RBFOX1: variants seen among roughly 807,000 people sequenced by gnomAD.
RBFOX1 encodes the protein RNA binding fox-1 homolog 1.
RBFOX1 carries 8 observed loss-of-function variants against 57.7 expected under a neutral mutation model. That is an observed-to-expected ratio of 0.14 (90% confidence interval 0.08 to 0.25). The LOEUF is 0.25. Among genes scored for constraint, RBFOX1 ranks in the 10% least tolerant of loss-of-function variants. The probability of loss-of-function intolerance (pLI) is 1.00; values close to 1 mark genes in which losing one functional copy is unlikely to be tolerated. For missense variants in RBFOX1, 611 were observed against 548.5 expected (o/e 1.11, Z -1.14); for synonymous variants, 326 against 222.4 (o/e 1.47, Z -4.15).
chr16:5,383,615 A>C (rs191053008), intron 1 of RBFOX1, among the ~76,000 whole-genome samples: 3 of 152,368 alleles, frequency 2.0e-5, no homozygotes, highest in Admixed American at 1.3e-4. Flanking sequence ...CCCTAGGATC[A>C]ACTGAGCAGG....
intron 2 of RBFOX1, among the ~76,000 whole-genome samples, chr16:6,385,397 T>A (rs1176403679): frequency 6.6e-6 from 1 of 152,242 alleles, no homozygotes; most frequent in Non-Finnish European, 1.5e-5. Flanking sequence ...TCTCCCTCTT[T>A]TGCCCAGGCT....
Position 5,856,581 on chromosome 16 carries a change from A to G in RBFOX1, c.319-10722A>G, listed in dbSNP as rs894436512. Among the ~76,000 whole-genome samples the G allele has an allele frequency of 4.1e-3, 270 of 66,234 alleles. 19 individuals are homozygous for G. Among genetic ancestry groups the G allele is most frequent in the African/African-American group, 0.011 (233 of 20,730 alleles). The allele number at this position is 66,234 out of a possible 152,430, so 43.5% of individuals were successfully genotyped here. A position where few individuals can be genotyped will look rare whatever the true frequency, so the allele number is the denominator to read the frequency against. ...TGTGTGTATGTGTGTGTGTGTATAT[A>G]TATATATATATATATATATATATAA... On this transcript the variant is annotated intron_variant, in intron 3 of 19. Coordinates refer to the RBFOX1 transcript ENST00000641259.
At chr16:7,292,932 G>A (rs1281349587) in intron 4 of RBFOX1, among the ~76,000 whole-genome samples, 1 of 152,072 alleles carries the variant, frequency 6.6e-6, no homozygotes, top group Non-Finnish European at 1.5e-5. Context: ...TTAAGGAGCA[G>A]GAAACAGAGG....
At chr16:6,770,512 G>A (rs1006280659) in intron 3 of RBFOX1, among the ~76,000 whole-genome samples, 6 of 152,178 alleles carry the variant, frequency 3.9e-5, no homozygotes, top group Non-Finnish European at 7.4e-5. Context: ...AGCCCTGCAA[G>A]TCGAAAATAT....
intron 2 of RBFOX1, among the ~76,000 whole-genome samples, chr16:6,457,260 C>G (rs180890923): frequency 2.6e-5 from 4 of 152,184 alleles, no homozygotes; most frequent in Admixed American, 2.6e-4. Flanking sequence ...GTTATGGAAG[C>G]AAAAGGAAAA....
At chr16:6,009,816 C>CTGTGTGTGTCTGTGTGTGTG (rs1555469439) in intron 4 of RBFOX1, among the ~76,000 whole-genome samples, 1 of 148,418 alleles carries the variant, frequency 6.7e-6, no homozygotes, top group African/African-American at 2.5e-5. Flanking sequence ...GTGTGTGTGT[C>CTGTGTGTGTCTGTGTGTGTG]TGTGTGTGTG....
At chr16:5,478,049 C>T (rs936270176) in intron 2 of RBFOX1, among the ~76,000 whole-genome samples, 5 of 152,130 alleles carry the variant, frequency 3.3e-5, no homozygotes, top group African/African-American at 9.7e-5. Context: ...GGGATCCACA[C>T]ACCATGGAGC....
intron 3 of RBFOX1, among the ~76,000 whole-genome samples, chr16:6,915,225 C>T (rs773403980): frequency 6.6e-6 from 1 of 152,154 alleles, no homozygotes; most frequent in African/African-American, 2.4e-5. Context: ...CTCCTAGCAG[C>T]TGGATGAAGC....
chr16:5,418,784 A>T (rs917780999), intron 1 of RBFOX1, among the ~76,000 whole-genome samples: 3 of 151,774 alleles, frequency 2.0e-5, no homozygotes, highest in Non-Finnish European at 4.4e-5. Flanking sequence ...TGCACGATTT[A>T]TGGAGAACCT....
At chr16:6,262,289 C>T (rs1042391393) in intron 1 of RBFOX1, among the ~76,000 whole-genome samples, 2 of 152,240 alleles carry the variant, frequency 1.3e-5, no homozygotes, top group Middle Eastern at 3.4e-3. Context: ...TTCCTGGAAG[C>T]TGCATGTACC....
intron 4 of RBFOX1, among the ~76,000 whole-genome samples, chr16:7,423,591 T>A (rs1222279698): frequency 1.3e-5 from 2 of 152,006 alleles, no homozygotes; most frequent in Non-Finnish European, 2.9e-5. Flanking sequence ...GAAAGGAGAG[T>A]TTCATACTGA....
intron 1 of RBFOX1, among the ~76,000 whole-genome samples, chr16:5,440,268 A>C (rs2068044686): frequency 6.6e-6 from 1 of 152,238 alleles, no homozygotes; most frequent in South Asian, 2.1e-4. Flanking sequence ...TTCCAGGTAC[A>C]AAATCTCCTT....
intron 4 of RBFOX1, among the ~76,000 whole-genome samples, chr16:7,222,025 C>G (rs890431659): frequency 6.6e-6 from 1 of 152,178 alleles, no homozygotes; most frequent in Non-Finnish European, 1.5e-5. Context: ...GCCAGCCTGT[C>G]AGTCACTTAA....
At chr16:6,447,280 G>A (rs1006722140) in intron 2 of RBFOX1, among the ~76,000 whole-genome samples, 2 of 152,228 alleles carry the variant, frequency 1.3e-5, no homozygotes, top group South Asian at 2.1e-4. Flanking sequence ...TGTGGCCATC[G>A]GTGAAAGGGA....
chr16:6,805,211 A>G (rs9931538), intron 3 of RBFOX1, among the ~76,000 whole-genome samples: 7,242 of 152,318 alleles, frequency 0.048, 431 homozygotes, highest in African/African-American at 0.14. Flanking sequence ...CTATGCAGCC[A>G]TAAAAAATGA....
At chr16:7,131,962 T>TA (rs1350137759) in intron 4 of RBFOX1, among the ~76,000 whole-genome samples, 1 of 151,532 alleles carries the variant, frequency 6.6e-6, no homozygotes, top group African/African-American at 2.4e-5. Flanking sequence ...TGGAGAACTT[T>TA]AAAAAACATT....
chr16:6,263,118 G>C (rs756967007), intron 1 of RBFOX1, among the ~76,000 whole-genome samples: 2 of 152,162 alleles, frequency 1.3e-5, no homozygotes, highest in African/African-American at 4.8e-5. Context: ...CACAGAGTGC[G>C]CCTGTGGGTT....
At chr16:7,698,146 A>G (rs1337288321) in intron 14 of RBFOX1, among the ~76,000 whole-genome samples, 1 of 151,634 alleles carries the variant, frequency 6.6e-6, no homozygotes, top group East Asian at 1.9e-4. Context: ...AACCCCAGAC[A>G]GGTTGAAACA....
At chr16:7,621,897 T>G (rs1257438710) in intron 10 of RBFOX1, among the ~76,000 whole-genome samples, 1 of 152,250 alleles carries the variant, frequency 6.6e-6, no homozygotes, top group African/African-American at 2.4e-5. Context: ...CCTGTCATTT[T>G]AGCAGAAAAG....
Sources: gnomAD v4.1 joint callset for allele counts (sites outside exome capture counted in the v4.1 genomes callset) on GRCh38, gnomAD v4.1.1 for gene constraint, MANE v1.5 for transcripts, NCBI Gene and HGNC (gene_info 2026-07-23, HGNC 2026-07-21) for gene names.